MEGF10: variants seen among roughly 807,000 people sequenced by gnomAD.
The protein encoded by MEGF10 is multiple EGF like domains 10, also known as multiple epidermal growth factor-like domains protein 10.
MEGF10 carries 86 observed loss-of-function variants against 147.5 expected under a neutral mutation model. The observed-to-expected ratio is 0.58, with a 90% CI of 0.49 to 0.70. The LOEUF (loss-of-function observed/expected upper bound fraction) is 0.70, where lower values mean the gene tolerates loss of function less well. MEGF10 is among the 30% of genes least tolerant of loss of function. The pLI is 0.00. For synonymous variants in MEGF10, 478 were observed against 525.5 expected (o/e 0.91, Z 1.24); for missense variants, 1,329 against 1,487.3 (o/e 0.89, Z 1.75).
chr5:127,376,707 A>G (rs1372207459), intron 5 of MEGF10, among the ~76,000 whole-genome samples: 1 of 152,250 alleles, frequency 6.6e-6, no homozygotes. Context: ...AATCATCATT[A>G]TAAGAGCTTT....
the MEGF10 span, among the ~76,000 whole-genome samples, chr5:127,244,082 A>G: frequency 3.3e-5 from 5 of 151,078 alleles, no homozygotes; most frequent in South Asian, 2.1e-4. Context: ...TGTAATCCCA[A>G]CTACCTGGGA....
chr5:127,447,472 G>A (rs1765985510), intron 20 of MEGF10, 85 bp from the exon 21 acceptor site: 1 of 1,580,704 alleles, frequency 6.3e-7, no homozygotes, highest in African/African-American at 1.3e-5. Flanking sequence ...CCACCTCGCT[G>A]GGCCTGTTTT....
At chr5:127,318,109 AG>A (rs1760636871) in intron 1 of MEGF10, among the ~76,000 whole-genome samples, 1 of 152,170 alleles carries the variant, frequency 6.6e-6, no homozygotes, top group South Asian at 2.1e-4. Context: ...CTTATAAAAG[AG>A]ACCTCAGAGT....
At chr5:127,252,924 T>G in the MEGF10 span, among the ~76,000 whole-genome samples, 1 of 151,732 alleles carries the variant, frequency 6.6e-6, no homozygotes, top group East Asian at 1.9e-4. Flanking sequence ...TGAGACAGAG[T>G]GATGAATTTT....
At chr5:127,299,257 T>C (rs1019093119) in intron 1 of MEGF10, among the ~76,000 whole-genome samples, 4 of 152,204 alleles carry the variant, frequency 2.6e-5, no homozygotes, top group African/African-American at 9.6e-5. Flanking sequence ...AGAGAACAAT[T>C]CTGTGTTCCT....
intron 9 of MEGF10, among the ~76,000 whole-genome samples, chr5:127,415,360 T>A (rs1022349386): frequency 2.0e-5 from 3 of 152,176 alleles, no homozygotes; most frequent in Non-Finnish European, 4.4e-5. Context: ...CAGTCTGGAT[T>A]TTTTTCTAAG....
intron 5 of MEGF10, among the ~76,000 whole-genome samples, chr5:127,391,092 G>A (rs539915022): frequency 9.6e-5 from 2 of 20,756 alleles, no homozygotes; most frequent in South Asian, 2.5e-3. Context: ...ACACATGCGC[G>A]CGCGCGCGCG....
chr5:127,231,643 A>C, the MEGF10 span, among the ~76,000 whole-genome samples: 2 of 152,060 alleles, frequency 1.3e-5, no homozygotes, highest in African/African-American at 4.8e-5. Flanking sequence ...GTTCATTACC[A>C]CTTTCCAAGG....
At position 127,294,800 on chromosome 5, in the gene MEGF10, A is replaced by AATAATC. The variant is rs1296319577; in HGVS notation, c.-19+3749_-19+3750insCATAAT. ...GGTGACAGAGTGAGACTCTGTCTCA[A>AATAATC]ATAATAATAATAATAATAATAATAA... On this transcript the variant is annotated intron_variant, in intron 1 of 24. Coordinates refer to ENST00000503335, the MANE Select transcript of MEGF10 (RefSeq NM_001256545.2). Among the ~76,000 whole-genome samples, 4 of 45,560 alleles carry AATAATC rather than the reference A, an allele frequency of 8.8e-5. No individual in the cohort carries two copies. The African/African-American group carries it at 9.5e-4, about 11-fold the overall frequency. The allele number at this position is 45,560 out of a possible 152,430, so 29.9% of individuals were successfully genotyped here.
At chr5:127,229,615 G>T in the MEGF10 span, 1 of 152,972 alleles carries the variant, frequency 6.5e-6, no homozygotes, top group Non-Finnish European at 1.5e-5. Context: ...AGGCGAGGCG[G>T]CGGGGAGGCG....
intron 5 of MEGF10, among the ~76,000 whole-genome samples, chr5:127,389,913 C>G (rs1763580157): frequency 6.6e-6 from 1 of 152,148 alleles, no homozygotes; most frequent in African/African-American, 2.4e-5. Context: ...CATATACTTC[C>G]TTTTTAAAAA....
At chr5:127,341,580 A>G (rs1174815722) in intron 4 of MEGF10, among the ~76,000 whole-genome samples, 1 of 152,104 alleles carries the variant, frequency 6.6e-6, no homozygotes, top group East Asian at 1.9e-4. Context: ...AATAGTACAT[A>G]TCTCGTCTTT....
chr5:127,455,032 C>A (rs559625793), intron 23 of MEGF10, among the ~76,000 whole-genome samples: 1 of 152,274 alleles, frequency 6.6e-6, no homozygotes, highest in East Asian at 1.9e-4. Flanking sequence ...AGCACAAATG[C>A]CTTCTTGTCA....
At chr5:127,378,535 C>T (rs1370819119) in intron 5 of MEGF10, among the ~76,000 whole-genome samples, 2 of 152,196 alleles carry the variant, frequency 1.3e-5, no homozygotes, top group African/African-American at 4.8e-5. Flanking sequence ...TCACTGCAGC[C>T]TCGACCTCCT....
At chr5:127,251,181 C>A in the MEGF10 span, among the ~76,000 whole-genome samples, 2 of 151,994 alleles carry the variant, frequency 1.3e-5, no homozygotes, top group East Asian at 3.9e-4. Context: ...ACTTGTCTTT[C>A]AAAAATTAAA....
intron 1 of MEGF10, among the ~76,000 whole-genome samples, chr5:127,319,149 C>T (rs2126757893): frequency 6.6e-6 from 1 of 151,394 alleles, no homozygotes; most frequent in Non-Finnish European, 1.5e-5. Flanking sequence ...GATCTCGGCT[C>T]ACTGCAACCC....
the MEGF10 span, among the ~76,000 whole-genome samples, chr5:127,279,607 T>G: frequency 6.6e-6 from 1 of 152,114 alleles, no homozygotes. Context: ...AAAACTCTCC[T>G]GTGATCTTAC....
the MEGF10 span, among the ~76,000 whole-genome samples, chr5:127,268,714 C>T: frequency 1.3e-5 from 2 of 152,154 alleles, no homozygotes; most frequent in Non-Finnish European, 2.9e-5. Flanking sequence ...CTTAAATGTC[C>T]CTGTCTGACA....
chr5:127,457,042 G>A (rs1766385544), intron 24 of MEGF10, 86 bp from the exon 25 acceptor site: 2 of 1,305,230 alleles, frequency 1.5e-6, no homozygotes, highest in Admixed American at 2.5e-5. Context: ...AGTCCCTTTG[G>A]TGTGTTTGAC....
Sources: gnomAD v4.1 joint callset for allele counts (sites outside exome capture counted in the v4.1 genomes callset) on GRCh38, gnomAD v4.1.1 for gene constraint, MANE v1.5 for transcripts, NCBI Gene and HGNC (gene_info 2026-07-23, HGNC 2026-07-21) for gene names.